COMMD1: variants seen among roughly 807,000 people sequenced by gnomAD.
The protein encoded by COMMD1 is COMM domain-containing protein 1.
In COMMD1, 10 loss-of-function variants were observed where a neutral mutation model predicts 17.2. The ratio of observed to expected loss-of-function variants is 0.58; its 90% CI spans 0.36 to 0.99. COMMD1 has a LOEUF of 0.99. COMMD1 is among the 50% of genes least tolerant of loss of function. The pLI is 0.01. For missense variants in COMMD1, 270 were observed against 231.8 expected (o/e 1.17, Z -1.07); for synonymous variants, 97 against 91.6 (o/e 1.06, Z -0.34).
intron 2 of COMMD1, among the ~76,000 whole-genome samples, chr2:62,063,086 A>G (rs1670915558): frequency 6.6e-6 from 1 of 151,892 alleles, no homozygotes; most frequent in Non-Finnish European, 1.5e-5. Flanking sequence ...GTGTGGTGGC[A>G]GGTGCCTGTA....
At chr2:62,019,131 CCCTTCCTTCCTT>C (rs1239787487) in intron 2 of COMMD1, among the ~76,000 whole-genome samples, 1 of 91,832 alleles carries the variant, frequency 1.1e-5, no homozygotes, top group Admixed American at 1.2e-4. Flanking sequence ...CTCCCTCCCT[CCCTTCCTTCCTT>C]CCTTCCTTCC....
intron 2 of COMMD1, among the ~76,000 whole-genome samples, chr2:62,131,060 C>T (rs1436048954): frequency 1.3e-5 from 2 of 152,080 alleles, no homozygotes; most frequent in African/African-American, 2.4e-5. Flanking sequence ...AGAGCTGGCT[C>T]GGTTTTTTTG....
At chr2:62,059,487 T>G (rs1383677016) in intron 2 of COMMD1, among the ~76,000 whole-genome samples, 1 of 152,162 alleles carries the variant, frequency 6.6e-6, no homozygotes, top group East Asian at 1.9e-4. Context: ...CAGTCTTTAT[T>G]TCTGGTAATA....
upstream of COMMD1, among the ~76,000 whole-genome samples, chr2:61,901,383 G>A (rs1162704629): frequency 6.6e-6 from 1 of 151,954 alleles, no homozygotes; most frequent in Non-Finnish European, 1.5e-5. Flanking sequence ...AGCACTTTGG[G>A]AGGCCGAGGT....
chr2:62,122,444 CT>C lies in COMMD1; in HGVS notation c.463-13372del, dbSNP rs372131423. Among the ~76,000 whole-genome samples the C allele has an allele frequency of 5.2e-3, 655 of 126,848 alleles. 15 individuals carry two copies. Among genetic ancestry groups the C allele is most frequent in the Admixed American group, 0.036 (452 of 12,608 alleles). 83.2% of individuals were successfully genotyped at this position (126,848 alleles called of 152,430 possible). A position where few individuals can be genotyped will look rare whatever the true frequency, so the allele number is the denominator to read the frequency against. On this transcript the variant is annotated intron_variant, in intron 2 of 2. Coordinates refer to ENST00000311832, the MANE Select transcript of COMMD1 (RefSeq NM_152516.4). ...GAAAATCTCTAAGTTTCTTTCTTTT[CT>C]TTTTTTTTTTTTTTGTCTAGTAGTG...
At chr2:62,002,677 A>AAAAAC (rs950969848) in intron 2 of COMMD1, among the ~76,000 whole-genome samples, 2 of 151,126 alleles carry the variant, frequency 1.3e-5, no homozygotes, top group African/African-American at 2.4e-5. Context: ...CTAAAAATAC[A>AAAAAC]AAAACAAAAC....
intron 1 of COMMD1, 131 bp from the exon 2 acceptor site, chr2:62,000,570 G>A: frequency 3.3e-6 from 3 of 895,586 alleles, no homozygotes; most frequent in Non-Finnish European, 5.3e-6. Flanking sequence ...GAGATTACAG[G>A]TGTGAGCCAT....
intron 2 of COMMD1, among the ~76,000 whole-genome samples, chr2:62,093,968 C>T (rs1573177587): frequency 6.6e-6 from 1 of 152,160 alleles, no homozygotes; most frequent in Non-Finnish European, 1.5e-5. Context: ...TGGAGTTGGA[C>T]ACTTTTGATT....
chr2:62,047,484 G>C (rs1326026702), intron 2 of COMMD1, among the ~76,000 whole-genome samples: 1 of 136,704 alleles, frequency 7.3e-6, no homozygotes, highest in African/African-American at 3.0e-5. Flanking sequence ...TTTTTTTTTT[G>C]AGACGGAGTC....
At chr2:62,053,871 A>T (rs937421680) in intron 2 of COMMD1, among the ~76,000 whole-genome samples, 4 of 152,230 alleles carry the variant, frequency 2.6e-5, no homozygotes, top group Non-Finnish European at 4.4e-5. Context: ...TGGAACTTAA[A>T]CTTTCTGCAC....
chr2:61,922,058 T>A (rs956063317), intron 1 of COMMD1, among the ~76,000 whole-genome samples: 1 of 152,272 alleles, frequency 6.6e-6, no homozygotes, highest in Admixed American at 6.5e-5. Context: ...ACAAGAAAAA[T>A]TGTAGAAAAT....
At chr2:61,905,983 T>G in intron 1 of COMMD1, 125 bp downstream of exon 1, 1 of 883,706 alleles carries the variant, frequency 1.1e-6, no homozygotes, top group Non-Finnish European at 1.8e-6. Context: ...AGACCTCCAC[T>G]CCGTGGGCTC....
intron 1 of COMMD1, among the ~76,000 whole-genome samples, chr2:61,979,156 C>G (rs1285368228): frequency 2.6e-5 from 4 of 152,134 alleles, no homozygotes; most frequent in Non-Finnish European, 4.4e-5. Flanking sequence ...TGTCTACCCT[C>G]TTTCTCCCTG....
At chr2:62,059,694 A>G (rs533857990) in intron 2 of COMMD1, among the ~76,000 whole-genome samples, 1 of 152,324 alleles carries the variant, frequency 6.6e-6, no homozygotes, top group Admixed American at 6.5e-5. Context: ...CAGCCACCCC[A>G]GTAGCTAGGA....
Position 62,125,827 on chromosome 2 carries a change from T to A in COMMD1, c.463-10004T>A, listed in dbSNP as rs573087401. Among the ~76,000 whole-genome samples, 3 of 152,290 alleles carry A rather than the reference T, an allele frequency of 2.0e-5. No homozygotes were observed. In the South Asian group the frequency reaches 6.2e-4, roughly 32 times the overall value. The stretch of plus-strand genomic sequence containing the variant: ...AGTATGTGCAGGTTTGTTACATAGG[T>A]AAATGTGTGCCATGGTGGTTTGCTA... On this transcript the variant is annotated intron_variant, in intron 2 of 2. Coordinates refer to ENST00000311832, the MANE Select transcript of COMMD1 (RefSeq NM_152516.4).
chr2:62,076,673 G>A lies in COMMD1; in HGVS notation c.463-59158G>A, dbSNP rs557258988. On this transcript the variant is annotated intron_variant, in intron 2 of 2. Transcript: ENST00000311832. The stretch of plus-strand genomic sequence containing the variant: ...GAGGCATGAGAATCATTTGAACCCC[G>A]GAGGCGGAGGTTGCAGTGAGCCGAG... Among the ~76,000 whole-genome samples the A allele has an allele frequency of 2.0e-4, 30 of 151,398 alleles. No individual in the cohort carries two copies. The Middle Eastern group carries it at 0.01, about 51-fold the overall frequency.
chr2:62,097,604 G>A (rs757189598), intron 2 of COMMD1, among the ~76,000 whole-genome samples: 1 of 152,204 alleles, frequency 6.6e-6, no homozygotes, highest in Non-Finnish European at 1.5e-5. Context: ...AGGAAATCCT[G>A]TTGTAGTAGG....
At chr2:62,017,671 CAAAAAAAGAAA>C (rs1046143336) in intron 2 of COMMD1, among the ~76,000 whole-genome samples, 3 of 143,990 alleles carry the variant, frequency 2.1e-5, no homozygotes, top group African/African-American at 7.7e-5. Flanking sequence ...ACCCTGTCTC[CAAAAAAAGAAA>C]AAAAAAAGAA....
intron 1 of COMMD1, among the ~76,000 whole-genome samples, chr2:61,992,971 T>C (rs1672289128): frequency 6.6e-6 from 1 of 152,224 alleles, no homozygotes; most frequent in Admixed American, 6.5e-5. Flanking sequence ...GATTTATACT[T>C]ATAAAAATCT....
Sources: allele counts gnomAD v4.1 joint callset (sites outside exome capture counted in the v4.1 genomes callset), GRCh38; gene constraint gnomAD v4.1.1; transcripts MANE v1.5; gene names NCBI Gene and HGNC (gene_info 2026-07-23, HGNC 2026-07-21).